The following KIF13B variants were observed in gnomAD, a reference collection of about 807,000 sequenced individuals.
KIF13B encodes the protein kinesin-like protein KIF13B.
In KIF13B, 127 loss-of-function variants were observed where a neutral mutation model predicts 222.0. The observed-to-expected ratio is 0.57, with a 90% CI of 0.50 to 0.66. The LOEUF (loss-of-function observed/expected upper bound fraction) is 0.66. Ranked by LOEUF, KIF13B falls within the 30% of genes least tolerant of loss-of-function variation. The pLI is 0.00. For missense variants in KIF13B, 2,173 were observed against 2,379.0 expected, an observed-to-expected ratio of 0.91 and a Z score of 1.80; for synonymous variants, 976 against 919.0, an observed-to-expected ratio of 1.06 and a Z score of -1.12.
chr8:29,185,655 A>G (rs1812892705), intron 6 of KIF13B, among the ~76,000 whole-genome samples: 1 of 152,166 alleles, frequency 6.6e-6, no homozygotes, highest in Admixed American at 6.5e-5. Flanking sequence ...CATCTTCCTC[A>G]TCCAGCAAAA....
chr8:29,256,248 C>G (rs971815595), intron 1 of KIF13B, among the ~76,000 whole-genome samples: 1 of 152,202 alleles, frequency 6.6e-6, no homozygotes, highest in Non-Finnish European at 1.5e-5. Context: ...GCTTCTGATT[C>G]AGTTAATGAC....
chr8:29,089,207 G>A (rs1175639710), intron 37 of KIF13B, among the ~76,000 whole-genome samples: 3 of 152,142 alleles, frequency 2.0e-5, no homozygotes, highest in Non-Finnish European at 2.9e-5. Flanking sequence ...GATACCAGAC[G>A]GGAGGACTTG....
intron 35 of KIF13B, among the ~76,000 whole-genome samples, chr8:29,103,241 C>CA (rs55959844): frequency 0.076 from 6,315 of 83,256 alleles, 186 homozygotes; most frequent in East Asian, 0.22. Context: ...GACTCTGTCT[C>CA]AAAAAAAAAA....
intron 2 of KIF13B, among the ~76,000 whole-genome samples, chr8:29,217,300 G>A (rs573679495): frequency 7.2e-5 from 11 of 152,152 alleles, no homozygotes; most frequent in African/African-American, 1.7e-4. Context: ...AGCTTTATCC[G>A]TAACTAAGGT....
chr8:29,248,726 G>T (rs1816149802), intron 1 of KIF13B, among the ~76,000 whole-genome samples: 1 of 152,178 alleles, frequency 6.6e-6, no homozygotes, highest in African/African-American at 2.4e-5. Flanking sequence ...ACTATATCAA[G>T]AACTGATACA....
In KIF13B at chr8:29,113,559, G is replaced by C. The variant is rs1182169857; in HGVS notation, c.3838-4C>G. 6 of 1,547,082 alleles carry C rather than the reference G, an allele frequency of 3.9e-6. No individual in the cohort carries two copies. In the Admixed American group the frequency reaches 5.6e-5, roughly 15 times the overall value. ...TTAGGAGACTCTGTGCAAAACCCTA[G>C]AGAAAAACAAAATAGAAGATATGGT... On this transcript the variant is annotated splice_region_variant and splice_polypyrimidine_tract_variant and intron_variant, in intron 31 of 39. Coordinates refer to ENST00000524189, the MANE Select transcript of KIF13B (RefSeq NM_015254.4).
At position 29,067,929 on chromosome 8, in the gene KIF13B, CT is replaced by C. The variant is rs1265028443; in HGVS notation, c.*2574del. 1 of 152,502 alleles carries C rather than the reference CT, an allele frequency of 6.6e-6. No homozygotes were observed. The highest frequency in any genetic ancestry group is 1.5e-5 in the Non-Finnish European group (1 of 68,214). 9.4% of individuals were successfully genotyped at this position (152,502 alleles called of 1,614,324 possible). A position where few individuals can be genotyped will look rare whatever the true frequency, so the allele number is the denominator to read the frequency against. ...AGGAACCCAGTCACACACCTGCCCC[CT>C]GTCCCCTCTGCTGCTGGACGCAGTG... On this transcript the variant is annotated 3_prime_UTR_variant, in exon 40 of 40. Coordinates refer to ENST00000524189, the MANE Select transcript of KIF13B (RefSeq NM_015254.4).
At position 29,141,560 on chromosome 8, in the gene KIF13B, C is replaced by T. The variant is rs531700577; in HGVS notation, c.2334+597G>A. On this transcript the variant is annotated intron_variant, in intron 19 of 39. Transcript: ENST00000524189. ...CAACTCTATGCGGAAACAGGTCTAA[C>T]GGTAATGAAAATATGTTCAGACATA... Among the ~76,000 whole-genome samples the T allele has an allele frequency of 2.6e-5, 4 of 152,232 alleles. No homozygotes were observed. In the South Asian group the frequency reaches 6.2e-4, roughly 24 times the overall value.
chr8:29,200,930 G>T (rs765852834), intron 2 of KIF13B, among the ~76,000 whole-genome samples: 22 of 152,316 alleles, frequency 1.4e-4, no homozygotes, highest in Middle Eastern at 3.4e-3. Context: ...CATATGAGGT[G>T]CATGTGCCAT....
In KIF13B at chr8:29,104,489, T is replaced by C. The variant is rs1047188968; in HGVS notation, c.4215+3650A>G. ...AAAACCATTTTTCCCCACGTTTGCA[T>C]TGATAACTGCATACATTTGTACCAT... On this transcript the variant is annotated intron_variant, in intron 35 of 39. Transcript: ENST00000524189. Among the ~76,000 whole-genome samples, 6 of 152,342 alleles carry C rather than the reference T, an allele frequency of 3.9e-5. No individual in the cohort carries two copies. The South Asian group carries it at 6.2e-4, about 16-fold the overall frequency.
At chr8:29,229,582 T>C (rs1464568798) in intron 2 of KIF13B, among the ~76,000 whole-genome samples, 3 of 152,252 alleles carry the variant, frequency 2.0e-5, no homozygotes, top group Admixed American at 2.0e-4. Context: ...TATTCACTTC[T>C]TGTATTTCCA....
chr8:29,073,116 C>G (rs141785501), intron 38 of KIF13B, among the ~76,000 whole-genome samples: 1 of 29,340 alleles, frequency 3.4e-5, no homozygotes, highest in African/African-American at 1.3e-4. Context: ...AGGAGGGGGA[C>G]GAGGAGGGGG....
intron 2 of KIF13B, among the ~76,000 whole-genome samples, chr8:29,234,477 C>T (rs749326924): frequency 6.7e-5 from 10 of 148,268 alleles, no homozygotes; most frequent in Non-Finnish European, 1.2e-4. Context: ...ATCATATATA[C>T]AGTAAAATGG....
intron 17 of KIF13B, 135 bp downstream of exon 17, chr8:29,147,257 G>C: frequency 1.5e-6 from 1 of 672,392 alleles, no homozygotes; most frequent in Non-Finnish European, 2.5e-6. Context: ...AGTGGTTCTT[G>C]GCTGTTAACA....
At chr8:29,137,308 G>A (rs568458443) in intron 21 of KIF13B, among the ~76,000 whole-genome samples, 26 of 152,310 alleles carry the variant, frequency 1.7e-4, no homozygotes, top group Non-Finnish European at 3.7e-4. Flanking sequence ...CATAAGAAAT[G>A]AACACAGGCT....
At chr8:29,147,303 C>A in intron 17 of KIF13B, 89 bp downstream of exon 17, 1 of 917,066 alleles carries the variant, frequency 1.1e-6, no homozygotes, top group Non-Finnish European at 1.7e-6. Flanking sequence ...TAAGCACCAT[C>A]TTAATGTTCC....
In KIF13B at chr8:29,112,821, T is replaced by C. The variant is rs548563968; in HGVS notation, c.3930+642A>G. On this transcript the variant is annotated intron_variant, in intron 32 of 39. Transcript: ENST00000524189. The stretch of plus-strand genomic sequence containing the variant: ...CGAATCACCTATCAGGAAGTACAGA[T>C]AAGCCACATCTTCCATCAAGCTTGT... Among the ~76,000 whole-genome samples, 268 of 152,380 alleles carry C rather than the reference T, an allele frequency of 1.8e-3. 2 individuals carry two copies. The South Asian group carries it at 0.018, about 10-fold the overall frequency.
At chr8:29,211,267 T>C (rs935553036) in intron 2 of KIF13B, among the ~76,000 whole-genome samples, 9 of 152,358 alleles carry the variant, frequency 5.9e-5, no homozygotes, top group South Asian at 2.1e-4. Context: ...CCAGCCATGA[T>C]AGAACAACTG....
chr8:29,148,533 T>C, intron 16 of KIF13B, 44 bp downstream of exon 16: 1 of 1,461,308 alleles, frequency 6.8e-7, no homozygotes. Context: ...CCTCAGCCTC[T>C]ACCAACTGGA....
Sources: gnomAD v4.1 joint callset for allele counts (sites outside exome capture counted in the v4.1 genomes callset) on GRCh38, gnomAD v4.1.1 for gene constraint, MANE v1.5 for transcripts, NCBI Gene and HGNC (gene_info 2026-07-23, HGNC 2026-07-21) for gene names.